Variants in PRKCI observed in about 807,000 individuals in gnomAD.
The protein encoded by PRKCI is protein kinase C iota, also known as protein kinase C iota type.
A neutral mutation model predicts 84.0 loss-of-function variants in PRKCI; 43 were observed. The observed-to-expected ratio is 0.51, with a 90% CI of 0.40 to 0.66. PRKCI has a LOEUF of 0.66. Ranked by LOEUF, PRKCI falls within the 30% of genes least tolerant of loss-of-function variation. The pLI, the probability that PRKCI is intolerant of heterozygous loss-of-function variation, is 0.00. For missense variants in PRKCI, 459 were observed against 745.6 expected (o/e 0.62, Z 4.48); for synonymous variants, 216 against 234.4 (o/e 0.92, Z 0.72).
intron 2 of PRKCI, among the ~76,000 whole-genome samples, chr3:170,258,903 T>C (rs897276987): frequency 6.6e-6 from 1 of 152,204 alleles, no homozygotes; most frequent in African/African-American, 2.4e-5. Context: ...GGAACTACTT[T>C]CACTTCCTCT....
At chr3:170,293,581 T>A in intron 14 of PRKCI, 73 bp downstream of exon 14, 2 of 1,475,306 alleles carry the variant, frequency 1.4e-6, no homozygotes, top group South Asian at 2.5e-5. Flanking sequence ...TGATTCAGGT[T>A]ACTACTTTGA....
intron 2 of PRKCI, 99 bp downstream of exon 2, chr3:170,235,450 A>G (rs1732945310): frequency 7.8e-7 from 1 of 1,281,936 alleles, no homozygotes; most frequent in African/African-American, 1.5e-5. Flanking sequence ...TTAAGAGGAA[A>G]GACTATTAGA....
intron 16 of PRKCI, 75 bp downstream of exon 16, chr3:170,297,468 GT>G: frequency 8.2e-7 from 1 of 1,218,322 alleles, no homozygotes; most frequent in Non-Finnish European, 1.2e-6. Context: ...TGTTCTGTTT[GT>G]TTTTAGACAG....
At chr3:170,236,601 G>A (rs1283565313) in intron 2 of PRKCI, among the ~76,000 whole-genome samples, 1 of 152,030 alleles carries the variant, frequency 6.6e-6, no homozygotes, top group Admixed American at 6.6e-5. Flanking sequence ...GTAGGCTTAC[G>A]CCTGTAATCC....
At chr3:170,230,565 A>G (rs1732759146) in intron 1 of PRKCI, among the ~76,000 whole-genome samples, 2 of 152,200 alleles carry the variant, frequency 1.3e-5, no homozygotes, top group Non-Finnish European at 2.9e-5. Flanking sequence ...CGTGACCTCA[A>G]GTGATTCACC....
intron 2 of PRKCI, among the ~76,000 whole-genome samples, chr3:170,236,301 G>T (rs111677673): frequency 6.9e-6 from 1 of 144,084 alleles, no homozygotes; most frequent in African/African-American, 2.6e-5. Context: ...GGGTTTTGCC[G>T]TGTTGCCCAG....
At chr3:170,254,822 A>G (rs900393532) in intron 2 of PRKCI, among the ~76,000 whole-genome samples, 2 of 152,130 alleles carry the variant, frequency 1.3e-5, no homozygotes, top group African/African-American at 2.4e-5. Flanking sequence ...TTGTGGTTCC[A>G]TATAAATTTA....
chr3:170,260,644 G>C (rs1394793349), intron 3 of PRKCI, among the ~76,000 whole-genome samples: 2 of 152,012 alleles, frequency 1.3e-5, no homozygotes, highest in Non-Finnish European at 2.9e-5. Flanking sequence ...GTAGAGACAG[G>C]GTTTCACCAT....
At position 170,283,181 on chromosome 3, in the gene PRKCI, T is replaced by G. The variant is rs139242348; in HGVS notation, c.1067+1213T>G. Among the ~76,000 whole-genome samples, 60 of 152,294 alleles carry G rather than the reference T, an allele frequency of 3.9e-4. 1 individual carries two copies. The highest frequency in any genetic ancestry group is 1.3e-3 in the African/African-American group (54 of 41,556). On this transcript the variant is annotated intron_variant, in intron 11 of 17. Transcript: ENST00000295797. ...TTAATATACAAGACTGTAAATTGTT[T>G]ATGTGTTGGATGGAGGAGATAGGTG...
At chr3:170,256,165 G>A (rs1393773753) in intron 2 of PRKCI, among the ~76,000 whole-genome samples, 1 of 152,092 alleles carries the variant, frequency 6.6e-6, no homozygotes, top group Admixed American at 6.6e-5. Context: ...TATTTGTCTG[G>A]TTTTAGTAAT....
chr3:170,266,303 A>G (rs981533212), intron 4 of PRKCI, among the ~76,000 whole-genome samples: 1 of 152,220 alleles, frequency 6.6e-6, no homozygotes, highest in African/African-American at 2.4e-5. Flanking sequence ...GATTAGTTAC[A>G]AAGACTGAAA....
chr3:170,283,599 G>A (rs1041398330), intron 11 of PRKCI, among the ~76,000 whole-genome samples: 1 of 152,110 alleles, frequency 6.6e-6, no homozygotes, highest in African/African-American at 2.4e-5. Flanking sequence ...ATGATATTTT[G>A]AATTGTGAAC....
intron 2 of PRKCI, among the ~76,000 whole-genome samples, chr3:170,247,529 G>A (rs143185273): frequency 0.021 from 3,179 of 151,490 alleles, 53 homozygotes; most frequent in East Asian, 0.085. Flanking sequence ...TCGGGAGTTC[G>A]AGACCAGCCT....
chr3:170,247,071 T>TTTTTG (rs1219406348), intron 2 of PRKCI, among the ~76,000 whole-genome samples: 11 of 152,022 alleles, frequency 7.2e-5, no homozygotes, highest in African/African-American at 2.7e-4. Flanking sequence ...TTTTAAGACT[T>TTTTTG]TTTTGTTTTG....
At chr3:170,248,115 T>C (rs1230561532) in intron 2 of PRKCI, among the ~76,000 whole-genome samples, 1 of 152,138 alleles carries the variant, frequency 6.6e-6, no homozygotes, top group East Asian at 1.9e-4. Flanking sequence ...TGATACTGTC[T>C]CAGAGGTTGC....
At chr3:170,274,210 C>T (rs1734063034) in intron 7 of PRKCI, among the ~76,000 whole-genome samples, 2 of 152,240 alleles carry the variant, frequency 1.3e-5, no homozygotes, top group Non-Finnish European at 2.9e-5. Flanking sequence ...CGGCTCACTG[C>T]ATCCTCCACC....
chr3:170,224,632 G>A (rs1560163465), intron 1 of PRKCI, among the ~76,000 whole-genome samples: 1 of 152,000 alleles, frequency 6.6e-6, no homozygotes, highest in Non-Finnish European at 1.5e-5. Flanking sequence ...CAAGCAATTC[G>A]CCTGCCTCAG....
intron 10 of PRKCI, chr3:170,281,561 C>G (rs535977661): frequency 3.3e-5 from 13 of 398,088 alleles, no homozygotes; most frequent in South Asian, 3.1e-4. Flanking sequence ...AATTTTCTAG[C>G]ATTTAACAAG....
intron 12 of PRKCI, among the ~76,000 whole-genome samples, chr3:170,287,902 C>CTT (rs1284153591): frequency 2.5e-5 from 3 of 117,678 alleles, no homozygotes; most frequent in African/African-American, 1.1e-4. Context: ...AAGTGAGACT[C>CTT]TGTCTCAAAA....
Sources: allele counts gnomAD v4.1 joint callset (sites outside exome capture counted in the v4.1 genomes callset), GRCh38; gene constraint gnomAD v4.1.1; transcripts MANE v1.5; gene names NCBI Gene and HGNC (gene_info 2026-07-23, HGNC 2026-07-21).